Variants in GRIN2B observed in about 807,000 individuals in gnomAD.
GRIN2B encodes the protein glutamate ionotropic receptor NMDA type subunit 2B.
In GRIN2B, 5 loss-of-function variants were observed where a neutral mutation model predicts 114.5. The ratio of observed to expected loss-of-function variants is 0.04; its 90% CI spans 0.02 to 0.09. GRIN2B has a LOEUF of 0.09. Among genes scored for constraint, GRIN2B ranks in the 10% least tolerant of loss-of-function variants. The pLI is 1.00. For synonymous variants in GRIN2B, 787 were observed against 745.1 expected (o/e 1.06, Z -0.92); for missense variants, 1,108 against 1,943.5 (o/e 0.57, Z 8.08).
chr12:13,760,831 C>G (rs762446169), intron 3 of GRIN2B, among the ~76,000 whole-genome samples: 2 of 152,224 alleles, frequency 1.3e-5, no homozygotes, highest in Non-Finnish European at 2.9e-5. Context: ...GAAATACTTT[C>G]CTCTACTCAC....
intron 2 of GRIN2B, among the ~76,000 whole-genome samples, chr12:13,889,848 A>C (rs538016910): frequency 1.2e-4 from 19 of 152,338 alleles, no homozygotes; most frequent in East Asian, 1.9e-4. Flanking sequence ...TAACACGCTC[A>C]ATGGTAACAG....
chr12:13,940,081 A>G (rs914477790), intron 2 of GRIN2B, among the ~76,000 whole-genome samples: 1 of 152,072 alleles, frequency 6.6e-6, no homozygotes, highest in Non-Finnish European at 1.5e-5. Context: ...CAATCTGTAG[A>G]TTCTATTGCT....
chr12:13,572,869 G>A (rs757963705), intron 10 of GRIN2B, among the ~76,000 whole-genome samples: 6 of 152,108 alleles, frequency 3.9e-5, no homozygotes, highest in Non-Finnish European at 8.8e-5. Context: ...CTTCCATCAA[G>A]TCTACCCCAA....
At chr12:13,936,782 T>C (rs1867136677) in intron 2 of GRIN2B, among the ~76,000 whole-genome samples, 1 of 151,824 alleles carries the variant, frequency 6.6e-6, no homozygotes, top group Admixed American at 6.6e-5. Flanking sequence ...GCTCAAATAA[T>C]TAAAGGTAAA....
chr12:13,791,627 T>C (rs893054986), intron 3 of GRIN2B, among the ~76,000 whole-genome samples: 7 of 152,106 alleles, frequency 4.6e-5, no homozygotes, highest in Non-Finnish European at 7.4e-5. Context: ...ACACCTCTAT[T>C]AGCTTTTTCA....
Position 13,661,637 on chromosome 12 carries a change from T to G in GRIN2B, c.1125+14108A>C, listed in dbSNP as rs1426031175. On this transcript the variant is annotated intron_variant, in intron 5 of 13. Coordinates refer to ENST00000609686, the MANE Select transcript of GRIN2B (RefSeq NM_000834.5). The stretch of plus-strand genomic sequence containing the variant: ...GACTCTTTTTCGAACTCATCCGTGT[T>G]CTAGGAGTTGCAAACTCCAGTGTCT... Among the ~76,000 whole-genome samples the G allele has an allele frequency of 2.6e-5, 4 of 152,200 alleles. No individual in the cohort carries two copies. In the East Asian group the frequency reaches 7.7e-4, roughly 29 times the overall value.
intron 10 of GRIN2B, among the ~76,000 whole-genome samples, chr12:13,581,803 G>A (rs185256268): frequency 3.5e-4 from 53 of 151,956 alleles, no homozygotes; most frequent in Admixed American, 1.5e-3. Flanking sequence ...CCAGCTACTC[G>A]GGAGGCTGAG....
intron 2 of GRIN2B, among the ~76,000 whole-genome samples, chr12:13,866,868 A>G (rs369656231): frequency 1.3e-5 from 2 of 152,352 alleles, no homozygotes; most frequent in African/African-American, 2.4e-5. Context: ...ACAATGACCC[A>G]GTAGGGAATA....
intron 3 of GRIN2B, among the ~76,000 whole-genome samples, chr12:13,810,181 ACT>A (rs1173299644): frequency 2.0e-5 from 3 of 148,930 alleles, no homozygotes; most frequent in African/African-American, 7.5e-5. Flanking sequence ...CTCTTACAGT[ACT>A]TACTTTCCGC....
chr12:13,673,115 G>C (rs1950038719), intron 5 of GRIN2B, among the ~76,000 whole-genome samples: 1 of 152,126 alleles, frequency 6.6e-6, no homozygotes, highest in Non-Finnish European at 1.5e-5. Flanking sequence ...CAGACGTATG[G>C]ACAAAATCTA....
At chr12:13,691,399 T>C (rs1950214155) in intron 4 of GRIN2B, among the ~76,000 whole-genome samples, 1 of 152,330 alleles carries the variant, frequency 6.6e-6, no homozygotes, top group Non-Finnish European at 1.5e-5. Flanking sequence ...CAGAAAGGTA[T>C]TATGAATAAG....
intron 10 of GRIN2B, among the ~76,000 whole-genome samples, chr12:13,607,027 T>C (rs2136465297): frequency 6.7e-6 from 1 of 148,246 alleles, no homozygotes; most frequent in Admixed American, 7.0e-5. Flanking sequence ...CCATGGGCCA[T>C]GATGTGCCCA....
At position 13,560,776 on chromosome 12, in the gene GRIN2B, A is replaced by C. The variant is rs899154994; in HGVS notation, c.*2007T>G. 2 of 152,266 alleles carry C rather than the reference A, an allele frequency of 1.3e-5. No individual in the cohort carries two copies. Among genetic ancestry groups the C allele is most frequent in the Non-Finnish European group, 2.9e-5 (2 of 68,074 alleles). The allele number at this position is 152,266 out of a possible 1,614,324, so 9.4% of individuals were successfully genotyped here. ...TTACAAGGCCTTCAGTTGGCTTTAA[A>C]ATGAAAGATACTGAGGTAAAAATCA... is the stretch of plus-strand genomic sequence containing the variant. On this transcript the variant is annotated 3_prime_UTR_variant, in exon 14 of 14. Transcript: ENST00000609686.
At position 13,547,981 on chromosome 12, in the gene GRIN2B, A is replaced by ATATATATTTTTTT; in HGVS notation, c.*14801_*14802insAAAAAAATATATA. ...TGTGTATATATATATATATATATATATTTTTTTTTTTTTTCTGAAAGCTAC... is the reference window on the plus strand; with the variant it reads ...TGTGTATATATATATATATATATATATATATATTTTTTTTTTTTTTTTTTTTTCTGAAAGCTAC... On this transcript the variant is annotated 3_prime_UTR_variant, in exon 14 of 14. Transcript: ENST00000609686. The ATATATATTTTTTT allele has an allele frequency of 4.4e-5, 3 of 68,590 alleles. No homozygotes were observed. Among genetic ancestry groups the ATATATATTTTTTT allele is most frequent in the African/African-American group, 1.4e-4 (3 of 21,780 alleles). The allele number at this position is 68,590 out of a possible 1,614,324, so 4.2% of individuals were successfully genotyped here.
At chr12:13,597,821 C>G (rs1949095390) in intron 10 of GRIN2B, among the ~76,000 whole-genome samples, 1 of 152,202 alleles carries the variant, frequency 6.6e-6, no homozygotes. Flanking sequence ...CCATCGGTAA[C>G]AGTAGAACCA....
chr12:13,753,104 T>G lies in GRIN2B; in HGVS notation c.1010+213A>C, dbSNP rs1863512805. Among the ~76,000 whole-genome samples the G allele has an allele frequency of 6.6e-6, 1 of 152,220 alleles. No homozygotes were observed. Among genetic ancestry groups the G allele is most frequent in the South Asian group, 2.1e-4 (1 of 4,834 alleles). ...CATGCAAAACCCTTAGAGTAACATC[T>G]AACACATAATAAGTGCTCAATAAAT... On this transcript the variant is annotated intron_variant, in intron 4 of 13. Transcript: ENST00000609686. This position sits in a 1 kb window ranked among gnomAD's most constrained non-coding sequence, Gnocchi z 6.2.
At chr12:13,702,696 A>T (rs763978140) in intron 4 of GRIN2B, among the ~76,000 whole-genome samples, 27 of 152,108 alleles carry the variant, frequency 1.8e-4, no homozygotes, top group Non-Finnish European at 3.4e-4. Context: ...CCCCATAAAG[A>T]CGGACCCCAC....
In GRIN2B at chr12:13,888,792, T is replaced by TA. The variant is rs34962020; in HGVS notation, c.-18-22567dup. Among the ~76,000 whole-genome samples the TA allele has an allele frequency of 9.0e-4, 132 of 147,266 alleles. 1 individual carries two copies. In the South Asian group the frequency reaches 0.011, roughly 13 times the overall value. ...AGATTTTTTAAAACGGTATAAAAGA[T>TA]AAAAAAAAAAAAATGGTATAGGGCA... On this transcript the variant is annotated intron_variant, in intron 2 of 13. Transcript: ENST00000609686.
intron 3 of GRIN2B, among the ~76,000 whole-genome samples, chr12:13,835,810 A>G (rs992314992): frequency 1.4e-4 from 21 of 151,642 alleles, no homozygotes; most frequent in African/African-American, 9.7e-5. Context: ...GCCAGCAGGA[A>G]TATGTCCTAA....
Sources: allele counts gnomAD v4.1 joint callset (sites outside exome capture counted in the v4.1 genomes callset), GRCh38; gene constraint gnomAD v4.1.1; non-coding constraint Gnocchi (gnomAD v3.1); transcripts MANE v1.5; gene names NCBI Gene and HGNC (gene_info 2026-07-23, HGNC 2026-07-21).